Variants in ARHGAP22 observed in about 807,000 individuals in gnomAD.
The protein encoded by ARHGAP22 is rho GTPase-activating protein 22.
Under a neutral mutation model 59.1 loss-of-function variants are expected in ARHGAP22, and 48 were observed. The observed-to-expected ratio is 0.81, with a 90% CI of 0.64 to 1.03. ARHGAP22 has a LOEUF of 1.03. ARHGAP22 is among the 50% of genes least tolerant of loss of function. The pLI, the probability that ARHGAP22 is intolerant of heterozygous loss-of-function variation, is 0.00. For synonymous variants in ARHGAP22, 445 were observed against 416.4 expected, an observed-to-expected ratio of 1.07 and a Z score of -0.84; for missense variants, 1,015 against 958.7, an observed-to-expected ratio of 1.06 and a Z score of -0.78.
chr10:48,652,624 A>C (rs1269510620), upstream of ARHGAP22: 1 of 313,110 alleles, frequency 3.2e-6, no homozygotes, highest in African/African-American at 2.1e-5. Flanking sequence ...AGTGGAAAGA[A>C]GGGGCTTTGT....
chr10:48,493,710 G>T, intron 3 of ARHGAP22: 1 of 1,318,546 alleles, frequency 7.6e-7, no homozygotes, highest in East Asian at 2.8e-5. Flanking sequence ...TCTGGGGCGG[G>T]GCAAGAAGGA....
At chr10:48,543,101 T>C (rs1349231404) in intron 3 of ARHGAP22, among the ~76,000 whole-genome samples, 4 of 152,014 alleles carry the variant, frequency 2.6e-5, no homozygotes, top group Non-Finnish European at 5.9e-5. Flanking sequence ...ACCCCTTGAG[T>C]ATCCATGTGC....
intron 3 of ARHGAP22, chr10:48,493,539 C>G: frequency 6.5e-7 from 1 of 1,526,756 alleles, no homozygotes; most frequent in Non-Finnish European, 8.8e-7. Flanking sequence ...GCCAGACACA[C>G]CTGTTGGGGT....
chr10:48,580,360 C>G (rs986482187), intron 2 of ARHGAP22, among the ~76,000 whole-genome samples: 1 of 152,136 alleles, frequency 6.6e-6, no homozygotes, highest in Admixed American at 6.5e-5. Context: ...ATGGAGCTAG[C>G]TGATGGGTGA....
At chr10:48,494,617 G>A (rs568894251) in intron 3 of ARHGAP22, among the ~76,000 whole-genome samples, 6 of 152,004 alleles carry the variant, frequency 3.9e-5, no homozygotes, top group East Asian at 3.9e-4. Context: ...CCATCCATCT[G>A]TCCGTCCATC....
chr10:48,459,960 A>C, intron 4 of ARHGAP22, 69 bp from the exon 5 acceptor site: 4 of 1,476,296 alleles, frequency 2.7e-6, no homozygotes, highest in Non-Finnish European at 2.8e-6. Flanking sequence ...AGGACAATGG[A>C]GGGCAGGCGC....
At chr10:48,616,096 TAA>T (rs999693299) in intron 1 of ARHGAP22, among the ~76,000 whole-genome samples, 6 of 151,972 alleles carry the variant, frequency 3.9e-5, no homozygotes, top group African/African-American at 1.4e-4. Flanking sequence ...GCATTTTTTA[TAA>T]GTTAAAAATC....
chr10:48,445,461 C>A, downstream of ARHGAP22: 1 of 152,578 alleles, frequency 6.6e-6, no homozygotes, highest in Non-Finnish European at 1.5e-5. Context: ...CCTGGGTGCC[C>A]TGTGGGTGGG....
intron 3 of ARHGAP22, among the ~76,000 whole-genome samples, chr10:48,550,557 T>A (rs1455056296): frequency 6.6e-6 from 1 of 152,196 alleles, no homozygotes; most frequent in Non-Finnish European, 1.5e-5. Context: ...CTCCCAGGCA[T>A]GATGGCCTCC....
intron 2 of ARHGAP22, among the ~76,000 whole-genome samples, chr10:48,581,145 A>G (rs1188308815): frequency 1.3e-5 from 2 of 152,140 alleles, no homozygotes; most frequent in Non-Finnish European, 2.9e-5. Context: ...ACCTGAACCA[A>G]CCAATCAGAG....
intron 3 of ARHGAP22, among the ~76,000 whole-genome samples, chr10:48,489,965 C>T (rs1271536107): frequency 6.6e-6 from 1 of 152,118 alleles, no homozygotes; most frequent in African/African-American, 2.4e-5. Flanking sequence ...GATCTCCTGA[C>T]CTCGTGATCC....
intron 1 of ARHGAP22, among the ~76,000 whole-genome samples, chr10:48,638,858 A>G (rs1337962045): frequency 6.6e-6 from 1 of 152,206 alleles, no homozygotes; most frequent in Non-Finnish European, 1.5e-5. Context: ...GGAAACTTGA[A>G]AAAAAGAAGT....
chr10:48,446,599 T>G lies in ARHGAP22; in HGVS notation c.1889A>C (p.Asp630Ala). The G allele has an allele frequency of 6.2e-7, 1 of 1,614,144 alleles. No homozygotes were observed. Among genetic ancestry groups the G allele is most frequent in the Non-Finnish European group, 8.5e-7 (1 of 1,180,004 alleles). The change falls in exon 10 of 10, where the codon GAC (aspartate) becomes GCC (alanine). Residue 630 changes from aspartate to alanine, a missense_variant. Coordinates refer to ENST00000249601, the MANE Select transcript of ARHGAP22 (RefSeq NM_021226.4). ...SVKRIEEGSADLRKRMSRLEE... is the reference protein window; with the variant it reads ...SVKRIEEGSAALRKRMSRLEE... ...TAACCGGGACATTCGTTTTCTCAGG[T>G]CAGCACTCCCTTCTTCGATTCTGAA... is the stretch of plus-strand genomic sequence containing the variant.
intron 1 of ARHGAP22, among the ~76,000 whole-genome samples, chr10:48,604,274 G>C (rs117170022): frequency 1.3e-5 from 2 of 152,346 alleles, no homozygotes; most frequent in East Asian, 1.9e-4. Flanking sequence ...AGGAAAGCCT[G>C]CCTGCCCCTG....
intron 1 of ARHGAP22, among the ~76,000 whole-genome samples, chr10:48,641,944 T>C (rs142641739): frequency 0.021 from 3,265 of 152,124 alleles, 118 homozygotes; most frequent in African/African-American, 0.074. Flanking sequence ...ACACCAATAA[T>C]AGACAAACAG....
chr10:48,545,764 A>G (rs191767582), intron 3 of ARHGAP22, among the ~76,000 whole-genome samples: 129 of 152,340 alleles, frequency 8.5e-4, no homozygotes, highest in African/African-American at 3.0e-3. Flanking sequence ...GGCAGGCTGG[A>G]TAAGGCCAGG....
intron 2 of ARHGAP22, among the ~76,000 whole-genome samples, chr10:48,566,771 C>G (rs2058070108): frequency 6.6e-6 from 1 of 152,310 alleles, no homozygotes; most frequent in South Asian, 2.1e-4. Context: ...GTGTTGAGGT[C>G]AGCACCATGT....
rs570195113 is a variant in ARHGAP22 at position 48,450,112 on chromosome 10, G to A, written c.1868+149C>T. On this transcript the variant is annotated intron_variant, in intron 9 of 9. Transcript: ENST00000249601. ...TGTGTGCCAAGTCTGCCAGTCCTAG[G>A]GCTTTCCCAGAGCTAGGATTCCCCT... 2.5e-6 allele frequency: 3 copies of A among 1,211,102 alleles called. No homozygotes were observed. In the South Asian group the frequency reaches 4.7e-5, roughly 19 times the overall value. 75.0% of individuals were successfully genotyped at this position (1,211,102 alleles called of 1,614,324 possible).
chr10:48,510,230 C>G (rs559240999), intron 3 of ARHGAP22, among the ~76,000 whole-genome samples: 21 of 152,266 alleles, frequency 1.4e-4, no homozygotes, highest in Admixed American at 5.2e-4. Flanking sequence ...CATGCTCCCC[C>G]CATAAAACAG....
Sources: gnomAD v4.1 joint callset for allele counts (sites outside exome capture counted in the v4.1 genomes callset) on GRCh38, gnomAD v4.1.1 for gene constraint, MANE v1.5 for transcripts, NCBI Gene and HGNC (gene_info 2026-07-23, HGNC 2026-07-21) for gene names.